Variants in ANXA4 observed in about 807,000 individuals in gnomAD.
ANXA4 encodes 35-beta calcimedin.
In ANXA4, 39 loss-of-function variants were observed where a neutral mutation model predicts 49.8. The observed-to-expected ratio is 0.78, with a 90% confidence interval of 0.61 to 1.02. The LOEUF (loss-of-function observed/expected upper bound fraction) is 1.02. Among genes scored for constraint, ANXA4 ranks in the 50% least tolerant of loss-of-function variants. The probability of loss-of-function intolerance (pLI) is 0.00; values close to 1 mark genes in which losing one functional copy is unlikely to be tolerated. For synonymous variants in ANXA4, 134 were observed against 152.5 expected, an observed-to-expected ratio of 0.88 and a Z score of 0.89; for missense variants, 360 against 410.1, an observed-to-expected ratio of 0.88 and a Z score of 1.05.
intron 1 of ANXA4, among the ~76,000 whole-genome samples, chr2:69,779,133 A>T (rs1212916658): frequency 6.8e-6 from 1 of 146,282 alleles, no homozygotes; most frequent in Admixed American, 7.0e-5. Flanking sequence ...AAAAAAAAAA[A>T]GGAAAGAGAA....
At chr2:69,673,530 T>C (rs1677273303) in intron 2 of ANXA4, among the ~76,000 whole-genome samples, 2 of 151,566 alleles carry the variant, frequency 1.3e-5, no homozygotes, top group African/African-American at 2.4e-5. Flanking sequence ...AGGGGATGGA[T>C]AGCATTAGGA....
chr2:69,644,165 T>TTCGCGCCCCCCCCC (rs1553424953), upstream of ANXA4, among the ~76,000 whole-genome samples: 4 of 21,142 alleles, frequency 1.9e-4, 1 homozygote, highest in African/African-American at 6.8e-4. Context: ...ACAACTAAGT[T>TTCGCGCCCCCCCCC]CCCCCCCCCC....
At chr2:69,676,954 C>T (rs1204626083) in intron 2 of ANXA4, among the ~76,000 whole-genome samples, 1 of 152,006 alleles carries the variant, frequency 6.6e-6, no homozygotes, top group East Asian at 1.9e-4. Flanking sequence ...GGTGTATCTC[C>T]TTCTAAGGCT....
At chr2:69,683,562 C>T (rs955044135) in intron 2 of ANXA4, among the ~76,000 whole-genome samples, 3 of 152,128 alleles carry the variant, frequency 2.0e-5, no homozygotes, top group African/African-American at 4.8e-5. Flanking sequence ...CAAAGAGGAA[C>T]GATATGCGCT....
intron 6 of ANXA4, 86 bp downstream of exon 6, chr2:69,808,082 A>C (rs933382957): frequency 1.4e-5 from 18 of 1,289,660 alleles, no homozygotes; most frequent in Admixed American, 5.3e-5. Flanking sequence ...TGCTGATTAG[A>C]CTTTTCACAG....
intron 7 of ANXA4, chr2:69,811,376 T>TGGGATCACAACGATGATG (rs1673698981): frequency 6.6e-6 from 1 of 152,654 alleles, no homozygotes; most frequent in Admixed American, 6.5e-5. Flanking sequence ...GTGATGTGAC[T>TGGGATCACAACGATGATG]GGAGCTGCAC....
intron 2 of ANXA4, among the ~76,000 whole-genome samples, chr2:69,683,973 G>T (rs928566481): frequency 6.6e-6 from 1 of 152,176 alleles, no homozygotes; most frequent in Admixed American, 6.5e-5. Context: ...AGAGAATGCA[G>T]CATAACAAGA....
At chr2:69,818,725 T>G (rs761226369) in intron 10 of ANXA4, 31 bp downstream of exon 10, 1 of 1,421,512 alleles carries the variant, frequency 7.0e-7, no homozygotes, top group Non-Finnish European at 9.8e-7. Context: ...GAGAAACAAA[T>G]GTTTATAGAT....
At chr2:69,733,305 G>C (rs1054208828) in intron 3 of ANXA4, among the ~76,000 whole-genome samples, 1 of 152,098 alleles carries the variant, frequency 6.6e-6, no homozygotes, top group African/African-American at 2.4e-5. Context: ...AAAACTGTTG[G>C]TAAAAATCTG....
chr2:69,772,185 T>G (rs1050594182), intron 1 of ANXA4, among the ~76,000 whole-genome samples: 1 of 152,238 alleles, frequency 6.6e-6, no homozygotes, highest in East Asian at 1.9e-4. Context: ...ATTTTACAGA[T>G]GTAAAAACTG....
intron 3 of ANXA4, 77 bp from the exon 4 acceptor site, chr2:69,804,456 C>T (rs1573292195): frequency 3.0e-6 from 4 of 1,342,182 alleles, no homozygotes; most frequent in Non-Finnish European, 4.2e-6. Flanking sequence ...TTGGGTAACT[C>T]CAATGTCCAC....
At chr2:69,764,284 C>T (rs1222659042) in intron 1 of ANXA4, among the ~76,000 whole-genome samples, 1 of 152,186 alleles carries the variant, frequency 6.6e-6, no homozygotes, top group African/African-American at 2.4e-5. Context: ...GAAAGATGAA[C>T]ATGAAATTAA....
intron 3 of ANXA4, among the ~76,000 whole-genome samples, chr2:69,798,698 A>T (rs1480885068): frequency 6.6e-6 from 1 of 152,238 alleles, no homozygotes; most frequent in African/African-American, 2.4e-5. Context: ...CAGCTGTCAG[A>T]TGCCCGGTGT....
intron 8 of ANXA4, 153 bp from the exon 9 acceptor site, chr2:69,815,948 C>A: frequency 1.6e-6 from 1 of 631,650 alleles, no homozygotes. Context: ...GAGGAAGGAT[C>A]CTGAGTCATT....
In ANXA4 at chr2:69,770,244, G is replaced by T. The variant is rs1671654212; in HGVS notation, c.-46-11276G>T. 2.0e-5 allele frequency among the ~76,000 whole-genome samples: 3 copies of T among 152,172 alleles called. No individual in the cohort carries two copies. In the South Asian group the frequency reaches 6.2e-4, roughly 32 times the overall value. On this transcript the variant is annotated intron_variant, in intron 1 of 12. Transcript: ENST00000394295. Reference sequence around the variant, plus strand: ...AATAAAACTTCCTTTACTTTTAGAAGGATCTAAGTTCCAAGAAAAAAAGAA... The same window carrying T: ...AATAAAACTTCCTTTACTTTTAGAATGATCTAAGTTCCAAGAAAAAAAGAA...
intron 3 of ANXA4, among the ~76,000 whole-genome samples, chr2:69,731,400 T>A (rs1242223460): frequency 6.6e-6 from 1 of 152,210 alleles, no homozygotes; most frequent in African/African-American, 2.4e-5. Flanking sequence ...AAAACCTGTA[T>A]GAAAGAGCTG....
At chr2:69,740,829 A>G (rs1191867526), upstream of ANXA4, among the ~76,000 whole-genome samples, 1 of 141,828 alleles carries the variant, frequency 7.1e-6, no homozygotes, top group Non-Finnish European at 1.5e-5. Flanking sequence ...CTACAGGCGC[A>G]TGCCACCACA....
intron 2 of ANXA4, among the ~76,000 whole-genome samples, chr2:69,694,258 G>A (rs1460603696): frequency 6.6e-6 from 1 of 152,126 alleles, no homozygotes; most frequent in African/African-American, 2.4e-5. Flanking sequence ...CTTCCACAAT[G>A]TGAGAACGCA....
chr2:69,741,136 C>T (rs76717312), upstream of ANXA4, among the ~76,000 whole-genome samples: 3,742 of 152,320 alleles, frequency 0.025, 157 homozygotes, highest in African/African-American at 0.086. Flanking sequence ...AATGTTACCT[C>T]TCCAGCTTTA....
Sources: allele counts gnomAD v4.1 joint callset (sites outside exome capture counted in the v4.1 genomes callset), GRCh38; gene constraint gnomAD v4.1.1; transcripts MANE v1.5; gene names NCBI Gene and HGNC (gene_info 2026-07-23, HGNC 2026-07-21).